Variants in CNTNAP2 observed in about 807,000 individuals in gnomAD.
CNTNAP2 encodes the protein contactin-associated protein-like 2.
In CNTNAP2, 98 loss-of-function variants were observed where a neutral mutation model predicts 155.2. The ratio of observed to expected loss-of-function variants is 0.63; its 90% CI spans 0.54 to 0.75. The LOEUF is 0.75. Among genes scored for constraint, CNTNAP2 ranks in the 30% least tolerant of loss-of-function variants. CNTNAP2 has a pLI of 0.00. For missense variants in CNTNAP2, 1,727 were observed against 1,688.1 expected (o/e 1.02, Z -0.40); for synonymous variants, 651 against 631.2 (o/e 1.03, Z -0.47).
At chr7:146,714,089 C>G (rs1801145930) in intron 1 of CNTNAP2, among the ~76,000 whole-genome samples, 1 of 152,024 alleles carries the variant, frequency 6.6e-6, no homozygotes, top group South Asian at 2.1e-4. Context: ...ACTTCTCTGC[C>G]TGACTCACCC....
At chr7:146,936,063 G>T (rs1031193506) in intron 3 of CNTNAP2, among the ~76,000 whole-genome samples, 1 of 152,144 alleles carries the variant, frequency 6.6e-6, no homozygotes, top group Non-Finnish European at 1.5e-5. Context: ...TGGGAAAACC[G>T]TAATCTATGA....
At chr7:147,447,497 C>G (rs1353823898) in intron 10 of CNTNAP2, among the ~76,000 whole-genome samples, 1 of 152,132 alleles carries the variant, frequency 6.6e-6, no homozygotes, top group Non-Finnish European at 1.5e-5. Flanking sequence ...CTCACTGCAA[C>G]CTCCGCCTCC....
rs553014598 is a variant in CNTNAP2, at chr7:148,339,222, C to T, written c.3476-44427C>T. Among the ~76,000 whole-genome samples, 4 of 150,746 alleles carry T rather than the reference C, an allele frequency of 2.7e-5. No individual in the cohort carries two copies. In the South Asian group the frequency reaches 6.3e-4, roughly 24 times the overall value. On this transcript the variant is annotated intron_variant, in intron 21 of 23. Transcript: ENST00000361727. The stretch of plus-strand genomic sequence containing the variant: ...GGTCAACAGTATCAAAGGTGCTTAA[C>T]GCAGATACACCAGGAGGCTCAAAGC...
chr7:147,982,470 G>A (rs1297158702), intron 15 of CNTNAP2, among the ~76,000 whole-genome samples: 2 of 152,186 alleles, frequency 1.3e-5, no homozygotes, highest in African/African-American at 4.8e-5. Context: ...CAGTTTCTCA[G>A]AGCTACGGAG....
At chr7:147,188,838 AATG>A (rs1271179200) in intron 8 of CNTNAP2, among the ~76,000 whole-genome samples, 1 of 152,252 alleles carries the variant, frequency 6.6e-6, no homozygotes, top group African/African-American at 2.4e-5. Flanking sequence ...AATTGAAAAA[AATG>A]TGAATAATAA....
intron 3 of CNTNAP2, among the ~76,000 whole-genome samples, chr7:146,847,068 A>ACGTTGAACTCAATGCTAATT (rs1562971381): frequency 1.3e-5 from 2 of 151,874 alleles, no homozygotes; most frequent in African/African-American, 2.4e-5. Flanking sequence ...AATTTTTTTT[A>ACGTTGAACTCAATGCTAATT]TCGTGTCAAG....
intron 14 of CNTNAP2, among the ~76,000 whole-genome samples, chr7:147,914,026 A>C (rs1255442118): frequency 6.6e-6 from 1 of 151,980 alleles, no homozygotes; most frequent in African/African-American, 2.4e-5. Flanking sequence ...ATATGTTCTA[A>C]GGTGGCATAT....
At position 148,172,333 on chromosome 7, in the gene CNTNAP2, C is replaced by A; in HGVS notation, c.2865C>A (p.Val955=). Residue 955 remains valine (V), a synonymous_variant, in exon 18 of 24, where the codon GTC becomes GTA. Transcript: ENST00000361727. ...VTLDLEERAK[V]TSGFISGCSG... is the part of the protein sequence containing the mutation. ...TTGACCTGGAGGAAAGAGCAAAGGT[C>A]ACATCTGGGTTCATATCCGGATGCT... 1 of 1,614,112 alleles carries A rather than the reference C, an allele frequency of 6.2e-7. No individual in the cohort carries two copies. Among genetic ancestry groups the A allele is most frequent in the Non-Finnish European group, 8.5e-7 (1 of 1,180,022 alleles).
intron 12 of CNTNAP2, among the ~76,000 whole-genome samples, chr7:147,584,608 A>G (rs1261027919): frequency 6.6e-6 from 1 of 152,214 alleles, no homozygotes; most frequent in Non-Finnish European, 1.5e-5. Flanking sequence ...AATAGTAGAG[A>G]ATACAAATTT....
intron 1 of CNTNAP2, among the ~76,000 whole-genome samples, chr7:146,457,955 A>G (rs186892412): frequency 6.6e-6 from 1 of 152,300 alleles, no homozygotes; most frequent in African/African-American, 2.4e-5. Flanking sequence ...CACTTGTTTG[A>G]AGGCTACTTA....
At chr7:146,775,974 TGTTGA>T (rs1802383572) in intron 2 of CNTNAP2, among the ~76,000 whole-genome samples, 2 of 152,116 alleles carry the variant, frequency 1.3e-5, no homozygotes, top group Non-Finnish European at 2.9e-5. Flanking sequence ...ATGAGAGAGT[TGTTGA>T]GTTACTATAA....
chr7:147,592,249 G>T (rs1248791087), intron 12 of CNTNAP2, among the ~76,000 whole-genome samples: 1 of 152,080 alleles, frequency 6.6e-6, no homozygotes, highest in Non-Finnish European at 1.5e-5. Context: ...TTAGATAGAA[G>T]AAACATTTTT....
intron 9 of CNTNAP2, among the ~76,000 whole-genome samples, chr7:147,368,919 T>G (rs1796292104): frequency 6.6e-6 from 1 of 152,142 alleles, no homozygotes; most frequent in African/African-American, 2.4e-5. Flanking sequence ...GGACCCACAG[T>G]AGAGATACAG....
chr7:146,419,666 G>A (rs1795984946), intron 1 of CNTNAP2, among the ~76,000 whole-genome samples: 1 of 152,096 alleles, frequency 6.6e-6, no homozygotes, highest in Non-Finnish European at 1.5e-5. Context: ...ATGAAAAGGT[G>A]CTTAACAACA....
chr7:146,652,050 T>G (rs1276511664), intron 1 of CNTNAP2, among the ~76,000 whole-genome samples: 1 of 151,924 alleles, frequency 6.6e-6, no homozygotes, highest in Non-Finnish European at 1.5e-5. Flanking sequence ...AGTATAACAA[T>G]TAGAAATAAC....
chr7:148,068,299 T>C (rs542566787), intron 15 of CNTNAP2, among the ~76,000 whole-genome samples: 2 of 152,308 alleles, frequency 1.3e-5, no homozygotes, highest in East Asian at 3.9e-4. Flanking sequence ...AGAACCTCTA[T>C]GAGGTAAAGT....
chr7:147,803,411 C>A (rs1028075509), intron 13 of CNTNAP2, among the ~76,000 whole-genome samples: 2 of 152,106 alleles, frequency 1.3e-5, no homozygotes, highest in African/African-American at 2.4e-5. Flanking sequence ...TCACTCTGCC[C>A]GTGGACCTGC....
chr7:146,169,552 T>C (rs1355483949), intron 1 of CNTNAP2, among the ~76,000 whole-genome samples: 1 of 152,168 alleles, frequency 6.6e-6, no homozygotes, highest in Non-Finnish European at 1.5e-5. Context: ...TACAGTATAG[T>C]ATAATTAACT....
chr7:146,487,833 G>C (rs1461812727), intron 1 of CNTNAP2, among the ~76,000 whole-genome samples: 1 of 152,112 alleles, frequency 6.6e-6, no homozygotes, highest in East Asian at 1.9e-4. Flanking sequence ...CCAGCTCCAC[G>C]TGCTTCATTT....
Sources: gnomAD v4.1 joint callset for allele counts (sites outside exome capture counted in the v4.1 genomes callset) on GRCh38, gnomAD v4.1.1 for gene constraint, MANE v1.5 for transcripts, NCBI Gene and HGNC (gene_info 2026-07-23, HGNC 2026-07-21) for gene names.